ALOX12: variants seen among roughly 807,000 people sequenced by gnomAD.
ALOX12 encodes the protein polyunsaturated fatty acid lipoxygenase ALOX12.
A neutral mutation model predicts 85.5 loss-of-function variants in ALOX12; 62 were observed. The ratio of observed to expected loss-of-function variants is 0.73; its 90% CI spans 0.59 to 0.90. The LOEUF (loss-of-function observed/expected upper bound fraction) is 0.90. Ranked by LOEUF, ALOX12 falls within the 40% of genes least tolerant of loss-of-function variation. The pLI, the probability that ALOX12 is intolerant of heterozygous loss-of-function variation, is 0.00. For missense variants in ALOX12, 751 were observed against 856.5 expected, an observed-to-expected ratio of 0.88 and a Z score of 1.54; for synonymous variants, 299 against 332.7, an observed-to-expected ratio of 0.90 and a Z score of 1.10.
At chr17:7,008,675 G>C (rs939557703) in intron 11 of ALOX12, among the ~76,000 whole-genome samples, 1 of 151,964 alleles carries the variant, frequency 6.6e-6, no homozygotes, top group East Asian at 1.9e-4. Flanking sequence ...GAACCTGAGA[G>C]GCGGAGGTTA....
In ALOX12 at chr17:7,010,689, CA is replaced by C. The variant is rs1261859836; in HGVS notation, c.*267del. ...GCAGCATGAAGGCAGCCACAGACAACATGGAAATGAGTGTGACTATGTTCCA... is the reference window on the plus strand; with the variant it reads ...GCAGCATGAAGGCAGCCACAGACAACTGGAAATGAGTGTGACTATGTTCCA... On this transcript the variant is annotated 3_prime_UTR_variant, in exon 14 of 14. Coordinates refer to ENST00000251535, the MANE Select transcript of ALOX12 (RefSeq NM_000697.3). 2.7e-6 allele frequency: 1 copy of C among 374,544 alleles called. No individual in the cohort carries two copies. The highest frequency in any genetic ancestry group is 4.2e-5 in the East Asian group (1 of 23,718). The allele number at this position is 374,544 out of a possible 1,614,324, so 23.2% of individuals were successfully genotyped here.
chr17:6,998,603 C>G lies in ALOX12; in HGVS notation c.419+13C>G, dbSNP rs1427359321. ...AGCAGATCTACTGGTGACCACCCAC[C>G]CCTTAAACTAACCCCGCCACCACTG... On this transcript the variant is annotated intron_variant, in intron 3 of 13. Transcript: ENST00000251535. 2.5e-6 allele frequency: 4 copies of G among 1,611,794 alleles called. No individual in the cohort carries two copies. Among genetic ancestry groups the G allele is most frequent in the African/African-American group, 2.7e-5 (2 of 74,884 alleles).
rs1909097118 is a variant in ALOX12 at position 7,006,614 on chromosome 17, T to A, written c.1540+7T>A. On this transcript the variant is annotated splice_region_variant and intron_variant, in intron 11 of 13. Transcript: ENST00000251535. The stretch of plus-strand genomic sequence containing the variant: ...TGCCAGGCCCAGGACCGAGGTAAGA[T>A]CCATTCTAGAGACAGAAGAAGCTCC... 6.3e-7 allele frequency: 1 copy of A among 1,589,484 alleles called. No homozygotes were observed. Among genetic ancestry groups the A allele is most frequent in the Admixed American group, 1.8e-5 (1 of 56,088 alleles).
chr17:7,002,891 T>C (rs891260676), intron 8 of ALOX12, among the ~76,000 whole-genome samples: 1 of 152,292 alleles, frequency 6.6e-6, no homozygotes, highest in African/African-American at 2.4e-5. Flanking sequence ...TGGAGTTTGA[T>C]GTATTGGCAA....
rs1245582955 is a variant in ALOX12, at chr17:7,006,559, T to C, written c.1492T>C (p.Trp498Arg). The C allele has an allele frequency of 1.2e-6, 2 of 1,613,262 alleles. No homozygotes were observed. Among genetic ancestry groups the C allele is most frequent in the Non-Finnish European group, 1.7e-6 (2 of 1,179,554 alleles). Residue 498 changes from tryptophan (W) to arginine (R), a missense_variant, in exon 11 of 14, where the codon TGG becomes CGG. Physicochemically the swap from Trp to Arg is moderately radical, Grantham distance 101 (BLOSUM62 -3). Coordinates refer to ENST00000251535, the MANE Select transcript of ALOX12 (RefSeq NM_000697.3). ...GAAGGGGGACCCTGAGCTGCAGGCCTGGTGTCGGGAGATCACGGAGGTGGG... is the reference window on the plus strand; with the variant it reads ...GAAGGGGGACCCTGAGCTGCAGGCCCGGTGTCGGGAGATCACGGAGGTGGG... ...IVKGDPELQA[W>R]CREITEVGLC... is the part of the protein sequence containing the mutation.
intron 11 of ALOX12, among the ~76,000 whole-genome samples, chr17:7,007,499 G>A (rs191840924): frequency 2.0e-5 from 3 of 152,244 alleles, no homozygotes; most frequent in African/African-American, 7.2e-5. Flanking sequence ...CCTCTCCCTG[G>A]GGAATCTGCA....
chr17:7,000,492 G>C lies in ALOX12; in HGVS notation c.951+13G>C. On this transcript the variant is annotated intron_variant, in intron 7 of 13. Transcript: ENST00000251535. The surrounding 1 kb of genome is among the most constrained non-coding windows in gnomAD (Gnocchi z 4.6). ...CATGGTCATCCAGGTAAGGGCCCCA[G>C]ACCTCTCCCACAACGTTGCACTCTG... 1.2e-6 allele frequency: 2 copies of C among 1,613,106 alleles called. No individual in the cohort carries two copies. Among genetic ancestry groups the C allele is most frequent in the Non-Finnish European group, 1.7e-6 (2 of 1,179,920 alleles).
Position 7,000,495 on chromosome 17 carries a change from C to G in ALOX12, c.951+16C>G. The G allele has an allele frequency of 6.2e-7, 1 of 1,612,950 alleles. No homozygotes were observed. The highest frequency in any genetic ancestry group is 1.1e-5 in the South Asian group (1 of 91,002). ...GGTCATCCAGGTAAGGGCCCCAGACCTCTCCCACAACGTTGCACTCTGTTC... is the reference window on the plus strand; with the variant it reads ...GGTCATCCAGGTAAGGGCCCCAGACGTCTCCCACAACGTTGCACTCTGTTC... On this transcript the variant is annotated intron_variant, in intron 7 of 13. Transcript: ENST00000251535. This position sits in a 1 kb window ranked among gnomAD's most constrained non-coding sequence, Gnocchi z 4.6.
intron 5 of ALOX12, 88 bp from the exon 6 acceptor site, chr17:6,999,218 G>A: frequency 6.4e-7 from 1 of 1,555,400 alleles, no homozygotes; most frequent in Admixed American, 1.8e-5. Flanking sequence ...GTTCAGGGAG[G>A]GTTATATACC....
In ALOX12 at chr17:7,000,264, CTT is replaced by C. The variant is rs1188565876; in HGVS notation, c.808-71_808-70del. On this transcript the variant is annotated intron_variant, in intron 6 of 13. Coordinates refer to ENST00000251535, the MANE Select transcript of ALOX12 (RefSeq NM_000697.3). This position sits in a 1 kb window ranked among gnomAD's most constrained non-coding sequence, Gnocchi z 4.6. The stretch of plus-strand genomic sequence containing the variant: ...AATGGCAAGAAGCTAGACTAAATCT[CTT>C]GCCCTTTGCCCCGGCCCCCTGGGGG... 1.9e-6 allele frequency: 3 copies of C among 1,558,992 alleles called. No homozygotes were observed. Among genetic ancestry groups the C allele is most frequent in the Non-Finnish European group, 2.6e-6 (3 of 1,139,266 alleles).
intron 7 of ALOX12, 127 bp from the exon 8 acceptor site, chr17:7,001,475 C>A: frequency 9.8e-7 from 1 of 1,016,912 alleles, no homozygotes; most frequent in Non-Finnish European, 1.5e-6. Context: ...GGAGGGTTCA[C>A]AGTCCTCCTG....
At chr17:6,998,464 G>A (rs1328831299) in intron 2 of ALOX12, 45 bp from the exon 3 acceptor site, 2 of 1,328,846 alleles carry the variant, frequency 1.5e-6, no homozygotes, top group Non-Finnish European at 2.2e-6. Flanking sequence ...GGCGGGCATA[G>A]GACCAGACAG....
chr17:7,007,057 G>A (rs1004360475), intron 11 of ALOX12, among the ~76,000 whole-genome samples: 3 of 152,080 alleles, frequency 2.0e-5, no homozygotes, highest in African/African-American at 4.8e-5. Context: ...TGTGCAGCAC[G>A]CACAGAGGGT....
Position 6,996,932 on chromosome 17 carries a change from T to C in ALOX12, c.242T>C (p.Ile81Thr). ...LVDDAWFCDRITVQGPGACAE... is the reference protein window; with the variant it reads ...LVDDAWFCDRTTVQGPGACAE... ...GACGACGCGTGGTTCTGCGACCGCA[T>C]CACGGTGCAGGGCCCTGGAGCCTGC... Residue 81 changes from isoleucine (I) to threonine (T), a missense_variant, in exon 2 of 14, where the codon ATC (isoleucine) becomes ACC (threonine). By Grantham distance (89) the Ile-to-Thr change is moderately conservative. Coordinates refer to ENST00000251535, the MANE Select transcript of ALOX12 (RefSeq NM_000697.3). 1 of 1,609,100 alleles carries C rather than the reference T, an allele frequency of 6.2e-7. No homozygotes were observed. The highest frequency in any genetic ancestry group is 8.5e-7 in the Non-Finnish European group (1 of 1,177,868).
In ALOX12 at chr17:7,000,584, C is replaced by G; in HGVS notation, c.951+105C>G. 1.5e-6 allele frequency: 2 copies of G among 1,324,632 alleles called. No individual in the cohort carries two copies. The highest frequency in any genetic ancestry group is 1.3e-5 in the South Asian group (1 of 74,960). 82.1% of individuals were successfully genotyped at this position (1,324,632 alleles called of 1,614,324 possible). On this transcript the variant is annotated intron_variant, in intron 7 of 13. Transcript: ENST00000251535. The surrounding 1 kb of genome is among the most constrained non-coding windows in gnomAD (Gnocchi z 4.6). The stretch of plus-strand genomic sequence containing the variant: ...TTGGCTCCCAAACCCCATCCTCACT[C>G]AGTGAGACTTGTCTTCATGTCACTA...
In ALOX12 at chr17:6,999,360, A is replaced by G. The variant is rs1488331146; in HGVS notation, c.701A>G (p.Asn234Ser). 6.2e-7 allele frequency: 1 copy of G among 1,614,186 alleles called. No individual in the cohort carries two copies. ...GAGTTGTTCAGCTACCAGTTCCTCA[A>G]TGGTGCCAACCCCATGCTGTTGAGA... ...DDELFSYQFLNGANPMLLRRS... is the reference protein window; with the variant it reads ...DDELFSYQFLSGANPMLLRRS... Residue 234 changes from asparagine (N) to serine (S), a missense_variant, in exon 6 of 14, where the codon AAT becomes AGT. Physicochemically the swap from Asn to Ser is conservative, Grantham distance 46. Transcript: ENST00000251535.
At chr17:7,006,633 A>C in intron 11 of ALOX12, 26 bp downstream of exon 11, 6 of 1,550,448 alleles carry the variant, frequency 3.9e-6, no homozygotes, top group Middle Eastern at 1.7e-4. Context: ...GAGACAGAAG[A>C]AGCTCCTGGG....
Position 7,000,921 on chromosome 17 carries a change from G to C in ALOX12, c.951+442G>C. Among the ~76,000 whole-genome samples the C allele has an allele frequency of 6.6e-6, 1 of 150,650 alleles. No individual in the cohort carries two copies. Among genetic ancestry groups the C allele is most frequent in the African/African-American group, 2.4e-5 (1 of 40,858 alleles). ...CAGTGGCCTCTGGCTCTGAACCCTC[G>C]CCATCTCTTGAATATCTTTTCTCGC... On this transcript the variant is annotated intron_variant, in intron 7 of 13. Coordinates refer to ENST00000251535, the MANE Select transcript of ALOX12 (RefSeq NM_000697.3). The surrounding 1 kb of genome is among the most constrained non-coding windows in gnomAD (Gnocchi z 4.6).
chr17:6,996,862 G>C lies in ALOX12; in HGVS notation c.172G>C (p.Gly58Arg). The C allele has an allele frequency of 6.2e-7, 1 of 1,613,960 alleles. No homozygotes were observed. The highest frequency in any genetic ancestry group is 8.5e-7 in the Non-Finnish European group (1 of 1,179,836). The change falls in exon 2 of 14, where the codon GGG becomes CGG. Residue 58 changes from glycine (G) to arginine (R), a missense_variant. Coordinates refer to ENST00000251535, the MANE Select transcript of ALOX12 (RefSeq NM_000697.3). ...EFDHDVAEDL[G>R]LLQFVRLRKH... is the part of the protein sequence containing the mutation. ...TGATCATGACGTTGCAGAGGACTTG[G>C]GGCTCCTGCAGTTCGTGAGGCTGCG...
Sources: allele counts gnomAD v4.1 joint callset (sites outside exome capture counted in the v4.1 genomes callset), GRCh38; gene constraint gnomAD v4.1.1; non-coding constraint Gnocchi (gnomAD v3.1); transcripts MANE v1.5; gene names NCBI Gene and HGNC (gene_info 2026-07-23, HGNC 2026-07-21).